The following DGKG variants were observed in gnomAD, a reference collection of about 807,000 sequenced individuals.
DGKG encodes the protein diacylglycerol kinase gamma, also known as DAG kinase gamma.
In DGKG, 78 loss-of-function variants were observed where a neutral mutation model predicts 105.3. The observed-to-expected ratio is 0.74, with a 90% CI of 0.62 to 0.89. DGKG has a LOEUF of 0.89. DGKG is among the 40% of genes least tolerant of loss of function. The probability of loss-of-function intolerance (pLI) is 0.00; values close to 1 mark genes in which losing one functional copy is unlikely to be tolerated. For missense variants in DGKG, 958 were observed against 1,020.1 expected (o/e 0.94, Z 0.83); for synonymous variants, 346 against 367.1 (o/e 0.94, Z 0.66).
chr3:186,320,298 G>T, intron 2 of DGKG, 95 bp downstream of exon 2: 1 of 1,448,262 alleles, frequency 6.9e-7, no homozygotes, highest in Non-Finnish European at 9.5e-7. Flanking sequence ...ATCATTCTTT[G>T]TGGCTTTGCA....
intron 6 of DGKG, among the ~76,000 whole-genome samples, chr3:186,287,674 C>T (rs181070626): frequency 1.3e-5 from 2 of 152,278 alleles, no homozygotes; most frequent in African/African-American, 4.8e-5. Flanking sequence ...TAGAAGAAAA[C>T]AGAAATCTGC....
chr3:186,306,228 G>A (rs78521605), intron 3 of DGKG, among the ~76,000 whole-genome samples: 2,377 of 152,272 alleles, frequency 0.016, 69 homozygotes, highest in African/African-American at 0.054. Context: ...GTACAGTTTC[G>A]CTGTAAAACA....
rs1250912277 is a variant in DGKG, at chr3:186,320,535, G to C, written c.-76C>G. ...TAGGCTGAAGTGGAGGCCCAGCCCA[G>C]GGCCTGGCTCATTGCAGGTTTGCGA... On this transcript the variant is annotated 5_prime_UTR_variant, in exon 2 of 25. Coordinates refer to ENST00000265022, the MANE Select transcript of DGKG (RefSeq NM_001346.3). 6.2e-7 allele frequency: 1 copy of C among 1,611,240 alleles called. No homozygotes were observed. The highest frequency in any genetic ancestry group is 1.3e-5 in the African/African-American group (1 of 74,838).
intron 20 of DGKG, among the ~76,000 whole-genome samples, chr3:186,222,157 C>T (rs552076556): frequency 2.0e-5 from 3 of 152,330 alleles, no homozygotes; most frequent in East Asian, 1.9e-4. Flanking sequence ...TCTCCCCTCT[C>T]GCTCCCCAGC....
intron 22 of DGKG, among the ~76,000 whole-genome samples, chr3:186,176,424 C>A (rs1298479244): frequency 1.3e-5 from 2 of 152,170 alleles, no homozygotes; most frequent in Admixed American, 6.5e-5. Flanking sequence ...TCAGAAAGAT[C>A]TTATAAGGGA....
intron 24 of DGKG, among the ~76,000 whole-genome samples, chr3:186,151,714 G>A (rs946393398): frequency 3.3e-5 from 5 of 152,166 alleles, no homozygotes; most frequent in African/African-American, 9.7e-5. Context: ...AAAAGAGTTT[G>A]AGGGAAATTA....
chr3:186,303,910 C>T (rs1279349744), intron 3 of DGKG, among the ~76,000 whole-genome samples: 1 of 152,226 alleles, frequency 6.6e-6, no homozygotes, highest in Non-Finnish European at 1.5e-5. Context: ...CCATCAAACT[C>T]AAGAGAAATT....
At chr3:186,218,056 C>G (rs545594773) in intron 20 of DGKG, among the ~76,000 whole-genome samples, 1 of 152,154 alleles carries the variant, frequency 6.6e-6, no homozygotes, top group Non-Finnish European at 1.5e-5. Context: ...AGATGGTGTT[C>G]TGTATGGCAT....
chr3:186,172,570 G>A (rs1306173358), intron 22 of DGKG, among the ~76,000 whole-genome samples: 1 of 152,244 alleles, frequency 6.6e-6, no homozygotes, highest in Non-Finnish European at 1.5e-5. Context: ...AGGTGCTATT[G>A]TTTGGGCTGG....
At position 186,210,908 on chromosome 3, in the gene DGKG, G is replaced by A. The variant is rs1056543910; in HGVS notation, c.1917+887C>T. Among the ~76,000 whole-genome samples the A allele has an allele frequency of 6.6e-6, 1 of 152,232 alleles. No individual in the cohort carries two copies. The highest frequency in any genetic ancestry group is 1.5e-5 in the Non-Finnish European group (1 of 68,048). On this transcript the variant is annotated intron_variant, in intron 21 of 24. Coordinates refer to ENST00000265022, the MANE Select transcript of DGKG (RefSeq NM_001346.3). This position sits in a 1 kb window ranked among gnomAD's most constrained non-coding sequence, Gnocchi z 5.2. ...AGAACCAATGGGCGTAAAGTCCCACGGAGCAGGTGTGCATAGAAGTTTGGG... is the reference window on the plus strand; with the variant it reads ...AGAACCAATGGGCGTAAAGTCCCACAGAGCAGGTGTGCATAGAAGTTTGGG...
At chr3:186,313,831 T>G (rs749463202) in intron 2 of DGKG, among the ~76,000 whole-genome samples, 1 of 152,126 alleles carries the variant, frequency 6.6e-6, no homozygotes, top group Non-Finnish European at 1.5e-5. Context: ...GAGAAATAGT[T>G]ATGGCTATCC....
chr3:186,323,322 A>G (rs1166346114), intron 1 of DGKG, among the ~76,000 whole-genome samples: 1 of 152,194 alleles, frequency 6.6e-6, no homozygotes, highest in Non-Finnish European at 1.5e-5. Context: ...GCTGCTATCA[A>G]TGAATGGACC....
intron 1 of DGKG, among the ~76,000 whole-genome samples, chr3:186,329,748 C>T (rs1447306718): frequency 1.8e-4 from 27 of 152,218 alleles, no homozygotes. Context: ...CTTATGCAGG[C>T]TTTGGAGTTT....
At chr3:186,196,856 T>C (rs972851058) in intron 21 of DGKG, among the ~76,000 whole-genome samples, 1 of 151,708 alleles carries the variant, frequency 6.6e-6, no homozygotes, top group African/African-American at 2.4e-5. Context: ...AGTCGGGTGG[T>C]GGTAGTGAGG....
Position 186,233,725 on chromosome 3 carries a change from C to T in DGKG, c.1826+8779G>A, listed in dbSNP as rs535863239. ...GTCTCGATCTCCTGACCTCGTGATC[C>T]GCCTGCCTCGGCCTCCCAAAGTGCT... On this transcript the variant is annotated intron_variant, in intron 20 of 24. Transcript: ENST00000265022. Among the ~76,000 whole-genome samples, 236 of 152,324 alleles carry T rather than the reference C, an allele frequency of 1.5e-3. 2 individuals are homozygous for T. Among genetic ancestry groups the T allele is most frequent in the African/African-American group, 4.6e-3 (192 of 41,572 alleles).
intron 2 of DGKG, among the ~76,000 whole-genome samples, chr3:186,315,590 CACTGTGAGTCTATGAAT>C (rs1425327869): frequency 8.6e-5 from 13 of 151,578 alleles, no homozygotes; most frequent in Non-Finnish European, 1.6e-4. Context: ...CCTTACTAGG[CACTGTGAGTCTATGAAT>C]ACAGCCTAAG....
chr3:186,355,580 C>T (rs367580339), intron 1 of DGKG, among the ~76,000 whole-genome samples: 14 of 151,544 alleles, frequency 9.2e-5, no homozygotes, highest in African/African-American at 2.7e-4. Context: ...TTACCCCCAC[C>T]ACCATCACCC....
At chr3:186,277,668 G>T (rs567446675) in intron 9 of DGKG, among the ~76,000 whole-genome samples, 1 of 152,138 alleles carries the variant, frequency 6.6e-6, no homozygotes, top group African/African-American at 2.4e-5. Context: ...TGCATGGACC[G>T]TGACTTGGGA....
At chr3:186,176,513 A>T (rs985419399) in intron 22 of DGKG, among the ~76,000 whole-genome samples, 5 of 152,142 alleles carry the variant, frequency 3.3e-5, no homozygotes, top group African/African-American at 1.2e-4. Flanking sequence ...GGAGGGCCTT[A>T]TTCTGGTGGT....
Sources: allele counts gnomAD v4.1 joint callset (sites outside exome capture counted in the v4.1 genomes callset), GRCh38; gene constraint gnomAD v4.1.1; non-coding constraint Gnocchi (gnomAD v3.1); transcripts MANE v1.5; gene names NCBI Gene and HGNC (gene_info 2026-07-23, HGNC 2026-07-21).